Variants in SSBP2 observed in about 807,000 individuals in gnomAD.
The protein encoded by SSBP2 is single stranded DNA binding protein 2, also known as single-stranded DNA-binding protein 2.
In SSBP2, 17 loss-of-function variants were observed where a neutral mutation model predicts 61.8. That is an observed-to-expected ratio of 0.28 (90% confidence interval 0.19 to 0.41). The LOEUF (loss-of-function observed/expected upper bound fraction) is 0.41. Ranked by LOEUF, SSBP2 falls within the 10% of genes least tolerant of loss-of-function variation. SSBP2 has a pLI of 1.00. For missense variants in SSBP2, 310 were observed against 458.7 expected (o/e 0.68, Z 2.96); for synonymous variants, 139 against 141.3 (o/e 0.98, Z 0.12).
In SSBP2 at chr5:81,479,462, T is replaced by C. The variant is rs192161529; in HGVS notation, c.433-4900A>G. 1.3e-3 allele frequency among the ~76,000 whole-genome samples: 198 copies of C among 152,208 alleles called. 1 individual carries two copies. Among genetic ancestry groups the C allele is most frequent in the African/African-American group, 4.6e-3 (192 of 41,514 alleles). Reference sequence around the variant, plus strand: ...TCCACTACCTCGCCTGGCTAATTTGTGTATTTTTAGTAGAGATAGGGTTTC... The same window carrying C: ...TCCACTACCTCGCCTGGCTAATTTGCGTATTTTTAGTAGAGATAGGGTTTC... On this transcript the variant is annotated intron_variant, in intron 6 of 16. Transcript: ENST00000320672.
At chr5:81,608,837 G>GTTAC (rs1745147908) in intron 4 of SSBP2, among the ~76,000 whole-genome samples, 1 of 152,068 alleles carries the variant, frequency 6.6e-6, no homozygotes, top group African/African-American at 2.4e-5. Flanking sequence ...TGATGAAGAC[G>GTTAC]TTACCTAAGG....
intron 6 of SSBP2, among the ~76,000 whole-genome samples, chr5:81,476,158 A>C (rs2154026058): frequency 6.6e-6 from 1 of 152,196 alleles, no homozygotes; most frequent in Non-Finnish European, 1.5e-5. Flanking sequence ...ATGATACCTC[A>C]TTACCCCTAA....
chr5:81,711,918 C>T (rs1480310799), intron 1 of SSBP2, among the ~76,000 whole-genome samples: 1 of 151,846 alleles, frequency 6.6e-6, no homozygotes. Flanking sequence ...GTCCCTATTT[C>T]ATAAAATTGG....
chr5:81,517,364 T>C (rs1769117793), intron 4 of SSBP2, among the ~76,000 whole-genome samples: 1 of 150,234 alleles, frequency 6.7e-6, no homozygotes, highest in Admixed American at 6.6e-5. Context: ...CTGTCCTAAA[T>C]TTCAAGTTTT....
chr5:81,513,516 C>G, intron 5 of SSBP2, 112 bp downstream of exon 5: 1 of 660,720 alleles, frequency 1.5e-6, no homozygotes, highest in Non-Finnish European at 2.7e-6. Context: ...GTTGGCTACA[C>G]ATTATTATTT....
intron 6 of SSBP2, among the ~76,000 whole-genome samples, chr5:81,481,759 G>C (rs991973171): frequency 2.0e-5 from 3 of 151,284 alleles, no homozygotes; most frequent in Admixed American, 6.6e-5. Flanking sequence ...TTGGACAACT[G>C]CATCAGAGCT....
At chr5:81,673,529 A>G (rs1027750025) in intron 1 of SSBP2, among the ~76,000 whole-genome samples, 1 of 152,194 alleles carries the variant, frequency 6.6e-6, no homozygotes, top group Non-Finnish European at 1.5e-5. Context: ...CAAATTCAAG[A>G]TGAATTAATC....
intron 4 of SSBP2, among the ~76,000 whole-genome samples, chr5:81,514,676 C>T (rs1580887891): frequency 6.6e-6 from 1 of 151,956 alleles, no homozygotes; most frequent in Non-Finnish European, 1.5e-5. Flanking sequence ...GTTGCGCTAT[C>T]TTCACCTATA....
chr5:81,433,477 G>A (rs1465542655), intron 15 of SSBP2, among the ~76,000 whole-genome samples: 3 of 151,394 alleles, frequency 2.0e-5, no homozygotes, highest in African/African-American at 7.3e-5. Context: ...CTCTGCCTAG[G>A]AAAACCAGAG....
At chr5:81,716,683 T>C (rs1362769280) in intron 1 of SSBP2, among the ~76,000 whole-genome samples, 1 of 152,196 alleles carries the variant, frequency 6.6e-6, no homozygotes, top group Non-Finnish European at 1.5e-5. Flanking sequence ...CTCCATTTTA[T>C]CCTCCAGCAT....
At chr5:81,728,184 T>C (rs1424009504) in intron 1 of SSBP2, among the ~76,000 whole-genome samples, 2 of 152,198 alleles carry the variant, frequency 1.3e-5, no homozygotes, top group African/African-American at 2.4e-5. Context: ...CATGACAAGA[T>C]AGATAATGTA....
At chr5:81,432,632 G>C (rs1383914413) in intron 15 of SSBP2, among the ~76,000 whole-genome samples, 1 of 152,166 alleles carries the variant, frequency 6.6e-6, no homozygotes. Flanking sequence ...TGTAATCCCA[G>C]CTACTCGGGA....
At chr5:81,553,089 T>C (rs745847669) in intron 4 of SSBP2, among the ~76,000 whole-genome samples, 10 of 152,142 alleles carry the variant, frequency 6.6e-5, no homozygotes, top group African/African-American at 9.7e-5. Context: ...ACCCTAACAA[T>C]TGTCCATTGT....
At position 81,474,537 on chromosome 5, in the gene SSBP2, T is replaced by C. The variant is rs745881671; in HGVS notation, c.458A>G (p.Gln153Arg). The change falls in exon 7 of 17, where the codon CAG (glutamine) becomes CGG (arginine). Residue 153 changes from glutamine (Q) to arginine (R), a missense_variant. Gln to Arg is a conservative substitution (Grantham distance 43, BLOSUM62 1). This residue lies in a region of SSBP2 where 209 missense variants were observed against 286.4 expected (regional missense o/e 0.73). Transcript: ENST00000320672. ...ATCCATTCCACTGGGGAGTAATGGC[T>C]GACTTCCTGGGACACCTCCAAGTGC... The C allele has an allele frequency of 6.2e-7, 1 of 1,611,986 alleles. No individual in the cohort carries two copies. The highest frequency in any genetic ancestry group is 1.1e-5 in the South Asian group (1 of 90,938).
At chr5:81,462,742 T>C (rs1391014513) in intron 9 of SSBP2, among the ~76,000 whole-genome samples, 1 of 152,122 alleles carries the variant, frequency 6.6e-6, no homozygotes, top group African/African-American at 2.4e-5. Context: ...GTAAGGTACA[T>C]CCACATGATT....
At chr5:81,508,481 C>T (rs1193767141) in intron 5 of SSBP2, among the ~76,000 whole-genome samples, 1 of 152,146 alleles carries the variant, frequency 6.6e-6, no homozygotes. Context: ...TAATTGGTTT[C>T]CTGCTCAGCA....
intron 2 of SSBP2, among the ~76,000 whole-genome samples, chr5:81,648,101 C>T (rs1445691315): frequency 6.6e-6 from 1 of 152,048 alleles, no homozygotes; most frequent in African/African-American, 2.4e-5. Context: ...TAAGTTTCTA[C>T]TGCATTAAAA....
chr5:81,563,344 A>G (rs777855134), intron 4 of SSBP2, among the ~76,000 whole-genome samples: 4 of 152,180 alleles, frequency 2.6e-5, no homozygotes, highest in Non-Finnish European at 5.9e-5. Flanking sequence ...CAAACTCTGG[A>G]GCATACATAA....
intron 10 of SSBP2, among the ~76,000 whole-genome samples, chr5:81,454,110 G>C (rs1482989794): frequency 6.6e-6 from 1 of 152,126 alleles, no homozygotes; most frequent in East Asian, 1.9e-4. Context: ...GACAGGCCAA[G>C]GAATTAATTA....
Sources: allele counts gnomAD v4.1 joint callset (sites outside exome capture counted in the v4.1 genomes callset), GRCh38; gene constraint gnomAD v4.1.1; regional missense constraint gnomAD v4.1.1; transcripts MANE v1.5; gene names NCBI Gene and HGNC (gene_info 2026-07-23, HGNC 2026-07-21).